Variants in C16orf96 observed in about 807,000 individuals in gnomAD.
C16orf96 encodes the protein uncharacterized protein C16orf96.
A neutral mutation model predicts 103.6 loss-of-function variants in C16orf96; 108 were observed. That is an observed-to-expected ratio of 1.04 (90% confidence interval 0.89 to 1.22). The LOEUF is 1.22. Among genes scored for constraint, C16orf96 ranks in the 50% most tolerant of loss-of-function variants. The probability of loss-of-function intolerance (pLI) is 0.00; values close to 1 mark genes in which losing one functional copy is unlikely to be tolerated. For missense variants in C16orf96, 1,586 were observed against 1,464.2 expected, an observed-to-expected ratio of 1.08 and a Z score of -1.36; for synonymous variants, 566 against 593.5, an observed-to-expected ratio of 0.95 and a Z score of 0.67.
At chr16:4,585,601 G>C (rs1480162464) in intron 7 of C16orf96, among the ~76,000 whole-genome samples, 1 of 152,246 alleles carries the variant, frequency 6.6e-6, no homozygotes, top group East Asian at 1.9e-4. Context: ...GACGTGCCTA[G>C]GTTTGAATCC....
In C16orf96 at chr16:4,576,278, C is replaced by T. The variant is rs1049034709; in HGVS notation, c.1798C>T (p.Pro600Ser). Residue 600 changes from proline to serine, a missense_variant, in exon 5 of 16, where the codon CCA (proline) becomes TCA (serine). Physicochemically the swap from Pro to Ser is moderately conservative, Grantham distance 74. Transcript: ENST00000444310. ...KVAAKFVKDAPATKMAAIATD... is the reference protein window; with the variant it reads ...KVAAKFVKDASATKMAAIATD... Reference sequence around the variant, plus strand: ...TGCTGCCAAGTTTGTCAAGGATGCCCCAGCCACCAAAATGGCCGCCATTGC... The same window carrying T: ...TGCTGCCAAGTTTGTCAAGGATGCCTCAGCCACCAAAATGGCCGCCATTGC... The T allele has an allele frequency of 1.3e-6, 2 of 1,550,656 alleles. No individual in the cohort carries two copies. Among genetic ancestry groups the T allele is most frequent in the East Asian group, 2.4e-5 (1 of 40,936 alleles).
the C16orf96 span, among the ~76,000 whole-genome samples, chr16:4,546,765 C>G: frequency 2.0e-5 from 3 of 152,056 alleles, no homozygotes; most frequent in African/African-American, 7.2e-5. Context: ...CCACCACACC[C>G]AACAGCTCTG....
In C16orf96 at chr16:4,593,188, T is replaced by TAGG; in HGVS notation, c.2775-36_2775-35insAGG. 1 of 1,541,264 alleles carries TAGG rather than the reference T, an allele frequency of 6.5e-7. No homozygotes were observed. Among genetic ancestry groups the TAGG allele is most frequent in the Non-Finnish European group, 8.8e-7 (1 of 1,138,366 alleles). On this transcript the variant is annotated intron_variant, in intron 11 of 15. Coordinates refer to ENST00000444310, the MANE Select transcript of C16orf96 (RefSeq NM_001145011.2). The surrounding 1 kb of genome is among the most constrained non-coding windows in gnomAD (Gnocchi z 4.2). ...GAGCCCTCTGCTGGCCTAGCACGCC[T>TAGG]CCCACAGCCCCTGCTGTGCCCTTGT...
At chr16:4,552,581 T>C (rs1383091669), upstream of C16orf96, among the ~76,000 whole-genome samples, 1 of 152,088 alleles carries the variant, frequency 6.6e-6, no homozygotes, top group Non-Finnish European at 1.5e-5. Context: ...TATAGTCTAC[T>C]GTTTGAATAT....
chr16:4,544,870 G>A, the C16orf96 span, among the ~76,000 whole-genome samples: 3 of 152,076 alleles, frequency 2.0e-5, no homozygotes, highest in South Asian at 4.1e-4. Flanking sequence ...TAGATGAGAC[G>A]ATTGAAGTGT....
At chr16:4,579,864 G>A in intron 6 of C16orf96, 151 bp from the exon 7 acceptor site, 1 of 598,036 alleles carries the variant, frequency 1.7e-6, no homozygotes, top group South Asian at 2.0e-5. Context: ...ACCCATCTTG[G>A]CCTCCCAAAG....
intron 6 of C16orf96, among the ~76,000 whole-genome samples, chr16:4,579,753 A>G (rs926170649): frequency 2.6e-5 from 4 of 151,936 alleles, no homozygotes; most frequent in African/African-American, 9.7e-5. Flanking sequence ...CTGGGATTAC[A>G]GGGGCCCGCC....
chr16:4,576,473 C>T lies in C16orf96; in HGVS notation c.1993C>T (p.Gln665Ter). 6.4e-7 allele frequency: 1 copy of T among 1,551,480 alleles called. No individual in the cohort carries two copies. Among genetic ancestry groups the T allele is most frequent in the Non-Finnish European group, 8.7e-7 (1 of 1,147,008 alleles). ...CATCGGTCCCGATCCAGCCCTGTCC[C>T]AGGCCATGGTGGCTACCAAGCAGGC... ...ASIGPDPALS[Q>*]AMVATKQAMS... is the part of the protein sequence containing the mutation. The change falls in exon 5 of 16, where the codon CAG (glutamine) becomes TAG (stop). Residue 665 changes from glutamine to a stop codon, truncating the protein, a stop_gained. Coordinates refer to ENST00000444310, the MANE Select transcript of C16orf96 (RefSeq NM_001145011.2). LOFTEE classifies it high-confidence loss of function.
At chr16:4,599,564 G>A (rs1286199250) in intron 15 of C16orf96, among the ~76,000 whole-genome samples, 200 bp downstream of exon 15, 1 of 152,230 alleles carries the variant, frequency 6.6e-6, no homozygotes, top group Non-Finnish European at 1.5e-5. Flanking sequence ...CCAAGCATCT[G>A]TCCCCAGCGT....
Position 4,575,455 on chromosome 16 carries a change from A to C in C16orf96, c.975A>C (p.Ala325=). 2 of 1,548,684 alleles carry C rather than the reference A, an allele frequency of 1.3e-6. No homozygotes were observed. Among genetic ancestry groups the C allele is most frequent in the East Asian group, 2.4e-5 (1 of 40,900 alleles). The change falls in exon 5 of 16, where the codon GCA becomes GCC. Residue 325 remains alanine (A), a synonymous_variant. Transcript: ENST00000444310. ...ESAPGCTTEF[A]PGPAPGTEPV... ...CACCTGGGTGCACAACTGAATTTGC[A>C]CCTGGGCCTGCACCTGGGACTGAAC... is the stretch of plus-strand genomic sequence containing the variant.
At chr16:4,547,225 C>T in the C16orf96 span, among the ~76,000 whole-genome samples, 6 of 152,308 alleles carry the variant, frequency 3.9e-5, no homozygotes, top group East Asian at 9.6e-4. Context: ...ACCTCGACAT[C>T]CCAGGTTCAA....
At chr16:4,559,393 A>T (rs1474559158) in intron 1 of C16orf96, among the ~76,000 whole-genome samples, 2 of 150,984 alleles carry the variant, frequency 1.3e-5, no homozygotes, top group Non-Finnish European at 3.0e-5. Context: ...AAATAAAAAT[A>T]AAAAAAAATT....
upstream of C16orf96, among the ~76,000 whole-genome samples, chr16:4,551,810 G>A (rs1474123670): frequency 1.3e-5 from 2 of 152,068 alleles, no homozygotes; most frequent in Non-Finnish European, 2.9e-5. Context: ...TGTTACATAG[G>A]TGTCCATGTG....
At position 4,588,335 on chromosome 16, in the gene C16orf96, A is replaced by C; in HGVS notation, c.2592+4A>C. On this transcript the variant is annotated splice_donor_region_variant and intron_variant, in intron 9 of 15. Transcript: ENST00000444310. ...CAGCAAGGACGTGAACACCAAGGTGAATGCCCCCATGTTGATTTTCACTTT... is the reference window on the plus strand; with the variant it reads ...CAGCAAGGACGTGAACACCAAGGTGCATGCCCCCATGTTGATTTTCACTTT... 6.5e-7 allele frequency: 1 copy of C among 1,546,774 alleles called. No individual in the cohort carries two copies. The highest frequency in any genetic ancestry group is 1.2e-5 in the South Asian group (1 of 83,814).
At chr16:4,578,656 G>T (rs560534536) in intron 5 of C16orf96, among the ~76,000 whole-genome samples, 1 of 152,200 alleles carries the variant, frequency 6.6e-6, no homozygotes, top group Non-Finnish European at 1.5e-5. Flanking sequence ...TACTCGGGAG[G>T]CTGAGGCAGG....
chr16:4,549,484 A>C, the C16orf96 span, among the ~76,000 whole-genome samples: 1 of 151,242 alleles, frequency 6.6e-6, no homozygotes, highest in Non-Finnish European at 1.5e-5. Flanking sequence ...AAAAAAAAAA[A>C]AAAAAACAAC....
chr16:4,564,974 G>A (rs963358066), intron 1 of C16orf96, among the ~76,000 whole-genome samples: 3 of 152,176 alleles, frequency 2.0e-5, no homozygotes, highest in African/African-American at 4.8e-5. Context: ...TCACAGTGTC[G>A]TGAAGTGCTC....
At position 4,592,372 on chromosome 16, in the gene C16orf96, G is replaced by A; in HGVS notation, c.2774+5G>A. The A allele has an allele frequency of 1.3e-6, 2 of 1,551,578 alleles. No individual in the cohort carries two copies. Among genetic ancestry groups the A allele is most frequent in the Middle Eastern group, 1.7e-4 (1 of 5,992 alleles). On this transcript the variant is annotated splice_donor_5th_base_variant and intron_variant, in intron 11 of 15. Coordinates refer to ENST00000444310, the MANE Select transcript of C16orf96 (RefSeq NM_001145011.2). ...TGTGGAGATGATGACTGGCCCGTGA[G>A]TACCACCGCCCAGGGTGCCCCGGCC...
chr16:4,567,778 A>C (rs2059397667), intron 1 of C16orf96, among the ~76,000 whole-genome samples: 1 of 133,988 alleles, frequency 7.5e-6, no homozygotes, highest in South Asian at 2.3e-4. Flanking sequence ...GGCTCACTAC[A>C]ACCTCTGCTC....
Sources: gnomAD v4.1 joint callset for allele counts (sites outside exome capture counted in the v4.1 genomes callset) on GRCh38, gnomAD v4.1.1 for gene constraint, Gnocchi (gnomAD v3.1) non-coding constraint, MANE v1.5 for transcripts, NCBI Gene and HGNC (gene_info 2026-07-23, HGNC 2026-07-21) for gene names.